TECTA: variants seen among roughly 807,000 people sequenced by gnomAD.
TECTA encodes tectorin alpha, also known as alpha-tectorin.
A neutral mutation model predicts 216.8 loss-of-function variants in TECTA; 128 were observed. The observed-to-expected ratio is 0.59, with a 90% CI of 0.51 to 0.68. The LOEUF (loss-of-function observed/expected upper bound fraction) is 0.68, where lower values mean the gene tolerates loss of function less well. Among genes scored for constraint, TECTA ranks in the 30% least tolerant of loss-of-function variants. The pLI is 0.00. For missense variants in TECTA, 2,551 were observed against 2,786.2 expected, an observed-to-expected ratio of 0.92 and a Z score of 1.90; for synonymous variants, 1,089 against 1,117.1, an observed-to-expected ratio of 0.97 and a Z score of 0.50.
Position 121,127,945 on chromosome 11 carries a change from C to T in TECTA, c.1968C>T (p.Gly656=). 6.2e-7 allele frequency: 1 copy of T among 1,614,180 alleles called. No individual in the cohort carries two copies. The change falls in exon 9 of 24, where the codon GGC becomes GGT. Residue 656 remains glycine (G), a synonymous_variant. Transcript: ENST00000392793. The surrounding 1 kb of genome is among the most constrained non-coding windows in gnomAD (Gnocchi z 5.0). ...ACAAGTGCGGCTGCGACTTCGACGG[C>T]CACTACTACACCATGGGGGAGTTCT... ...PLHKCGCDFD[G]HYYTMGEFFW...
chr11:121,140,994 G>A (rs1946779272), intron 11 of TECTA: 1 of 152,188 alleles, frequency 6.6e-6, no homozygotes, highest in African/African-American at 2.4e-5. Flanking sequence ...GAGACAATGA[G>A]CATCAAGGAG....
chr11:121,187,225 T>C (rs1947296710), intron 20 of TECTA, among the ~76,000 whole-genome samples: 1 of 152,180 alleles, frequency 6.6e-6, no homozygotes, highest in South Asian at 2.1e-4. Flanking sequence ...CTATACATAA[T>C]TGAAGCAAGT....
chr11:121,168,206 G>A lies in TECTA; in HGVS notation c.5739G>A (p.Lys1913=), dbSNP rs1947074825. Reference sequence around the variant, plus strand: ...AGATCTCCTTGGATTCTGTTGTGAAGCCTATGCTAAGGTAAGGTGTCTCCT... The same window carrying A: ...AGATCTCCTTGGATTCTGTTGTGAAACCTATGCTAAGGTAAGGTGTCTCCT... The part of the protein sequence containing the change: ...DIKISLDSVV[K]PMLSVINLTV... Residue 1913 remains lysine, a synonymous_variant, in exon 19 of 24, where the codon AAG becomes AAA. Coordinates refer to ENST00000392793, the MANE Select transcript of TECTA (RefSeq NM_005422.4). The A allele has an allele frequency of 6.2e-7, 1 of 1,614,092 alleles. No individual in the cohort carries two copies. The highest frequency in any genetic ancestry group is 8.5e-7 in the Non-Finnish European group (1 of 1,180,036).
In TECTA at chr11:121,125,827, G is replaced by A. The variant is rs1457932962; in HGVS notation, c.1729G>A (p.Ala577Thr). The A allele has an allele frequency of 6.2e-7, 1 of 1,613,322 alleles. No homozygotes were observed. The highest frequency in any genetic ancestry group is 1.1e-5 in the South Asian group (1 of 91,088). The change falls in exon 8 of 24, where the codon GCC becomes ACC. Residue 577 changes from alanine (A) to threonine (T), a missense_variant. This residue lies in a region of TECTA where 2,375 missense variants were observed against 2,563.9 expected (regional missense o/e 0.93). Transcript: ENST00000392793. ...AIQAYALVCQALGIPIGDWRT... is the reference protein window; with the variant it reads ...AIQAYALVCQTLGIPIGDWRT... ...CCAGGCCTATGCTCTTGTGTGCCAAGCCCTTGGCATTCCAATTGGAGACTG... is the reference window on the plus strand; with the variant it reads ...CCAGGCCTATGCTCTTGTGTGCCAAACCCTTGGCATTCCAATTGGAGACTG...
At chr11:121,139,646 C>T (rs543934613) in intron 11 of TECTA, among the ~76,000 whole-genome samples, 80 of 151,818 alleles carry the variant, frequency 5.3e-4, no homozygotes, top group African/African-American at 1.6e-3. Flanking sequence ...GGCAAGATTG[C>T]GCCATTGCAC....
intron 20 of TECTA, among the ~76,000 whole-genome samples, chr11:121,181,748 G>A (rs141514580): frequency 0.019 from 2,963 of 152,192 alleles, 96 homozygotes; most frequent in African/African-American, 0.068. Context: ...GATTACAGGC[G>A]TGAGCCACCA....
Position 121,129,842 on chromosome 11 carries a change from G to A in TECTA, c.2572G>A (p.Asp858Asn), listed in dbSNP as rs1486188727. The A allele has an allele frequency of 3.1e-6, 5 of 1,614,222 alleles. No homozygotes were observed. Among genetic ancestry groups the A allele is most frequent in the Non-Finnish European group, 3.4e-6 (4 of 1,180,046 alleles). The stretch of plus-strand genomic sequence containing the variant: ...CGGCTTCTACAATGCCAACGCCAGT[G>A]ACGAGTTCTGTCTCCCCAACGGCAA... ...LCGFYNANASDEFCLPNGKCT... is the reference protein window; with the variant it reads ...LCGFYNANASNEFCLPNGKCT... The change falls in exon 10 of 24, where the codon GAC becomes AAC. Residue 858 changes from aspartate (D) to asparagine (N), a missense_variant. Asp to Asn is a conservative substitution (Grantham distance 23). This residue lies in a region of TECTA where 2,375 missense variants were observed against 2,563.9 expected (regional missense o/e 0.93). Coordinates refer to ENST00000392793, the MANE Select transcript of TECTA (RefSeq NM_005422.4).
chr11:121,160,913 G>T (rs1242127350), intron 15 of TECTA, among the ~76,000 whole-genome samples: 1 of 152,142 alleles, frequency 6.6e-6, no homozygotes, highest in East Asian at 1.9e-4. Flanking sequence ...AAGTTACAAG[G>T]TTATTATCAG....
rs1463233005 is a variant in TECTA, at chr11:121,130,058, G to A, written c.2788G>A (p.Val930Met). ...CTCCTTCCTGGAGTGCCATGGGGTG[G>A]TGAACGTCACTGCCTATTACCGCAC... ...NSSFLECHGV[V>M]NVTAYYRTCL... The change falls in exon 10 of 24, where the codon GTG becomes ATG. Residue 930 changes from valine to methionine, a missense_variant. Physicochemically the swap from Val to Met is conservative, Grantham distance 21 (BLOSUM62 1). This residue lies in a region of TECTA where 2,375 missense variants were observed against 2,563.9 expected (regional missense o/e 0.93). Coordinates refer to ENST00000392793, the MANE Select transcript of TECTA (RefSeq NM_005422.4). 11 of 1,614,128 alleles carry A rather than the reference G, an allele frequency of 6.8e-6. No individual in the cohort carries two copies. In the South Asian group the frequency reaches 8.8e-5, roughly 13 times the overall value.
chr11:121,137,588 G>T lies in TECTA; in HGVS notation c.3109G>T (p.Gly1037Cys). 1 of 1,613,934 alleles carries T rather than the reference G, an allele frequency of 6.2e-7. No individual in the cohort carries two copies. Among genetic ancestry groups the T allele is most frequent in the Non-Finnish European group, 8.5e-7 (1 of 1,180,006 alleles). The change falls in exon 11 of 24, where the codon GGC becomes TGC. Residue 1037 changes from glycine (G) to cysteine (C), a missense_variant. By Grantham distance (159) the Gly-to-Cys change is radical. This residue lies in a region of TECTA where 2,375 missense variants were observed against 2,563.9 expected (regional missense o/e 0.93). Transcript: ENST00000392793. ...GSQCVTRSEC[G>C]CNFEGHQLAT... is the part of the protein sequence containing the mutation. ...CCAGTGTGTCACGCGGAGTGAGTGT[G>T]GCTGCAACTTTGAGGGGCACCAACT...
intron 20 of TECTA, among the ~76,000 whole-genome samples, chr11:121,177,719 G>A (rs1414817173): frequency 6.6e-6 from 1 of 152,228 alleles, no homozygotes; most frequent in Non-Finnish European, 1.5e-5. Context: ...TGTCAGACAG[G>A]GACATTTAAG....
At chr11:121,109,142 T>C in intron 3 of TECTA, 69 bp from the exon 4 acceptor site, 1 of 1,559,850 alleles carries the variant, frequency 6.4e-7, no homozygotes, top group Non-Finnish European at 8.8e-7. Context: ...CGAATGTCTG[T>C]CTTGGTTTGT....
chr11:121,125,578 C>T lies in TECTA; in HGVS notation c.1480C>T (p.His494Tyr). 6.2e-7 allele frequency: 1 copy of T among 1,614,094 alleles called. No homozygotes were observed. Among genetic ancestry groups the T allele is most frequent in the Non-Finnish European group, 8.5e-7 (1 of 1,180,026 alleles). The change falls in exon 8 of 24, where the codon CAC becomes TAC. Residue 494 changes from histidine to tyrosine, a missense_variant. By Grantham distance (83) the His-to-Tyr change is moderately conservative (BLOSUM62 2). This residue lies in a region of TECTA where 2,375 missense variants were observed against 2,563.9 expected (regional missense o/e 0.93). Coordinates refer to ENST00000392793, the MANE Select transcript of TECTA (RefSeq NM_005422.4). The stretch of plus-strand genomic sequence containing the variant: ...TCTGGGAGAGAGCTGGCGTGTGTAC[C>T]ACGCAGACTGGAAGTGCGACTCCGG... Reference protein sequence around the residue: ...LDLGESWRVYHADWKCDSGCV... With the variant: ...LDLGESWRVYYADWKCDSGCV...
At position 121,113,973 on chromosome 11, in the gene TECTA, G is replaced by A. The variant is rs565697068; in HGVS notation, c.790+255G>A. On this transcript the variant is annotated intron_variant, in intron 6 of 23. Coordinates refer to ENST00000392793, the MANE Select transcript of TECTA (RefSeq NM_005422.4). This position sits in a 1 kb window ranked among gnomAD's most constrained non-coding sequence, Gnocchi z 4.2. ...ACAGTTATCCGTTCTGAACAACTCC[G>A]AAATGGACCAAGATCTTGAGTGATT... is the stretch of plus-strand genomic sequence containing the variant. 2.0e-5 allele frequency among the ~76,000 whole-genome samples: 3 copies of A among 152,266 alleles called. No individual in the cohort carries two copies. The highest frequency in any genetic ancestry group is 1.9e-4 in the East Asian group (1 of 5,186).
intron 17 of TECTA, 101 bp downstream of exon 17, chr11:121,165,484 TAG>T: frequency 1.1e-6 from 1 of 943,128 alleles, no homozygotes; most frequent in Non-Finnish European, 1.6e-6. Context: ...CTTTCCCAAA[TAG>T]TGAAGCTTTC....
In TECTA at chr11:121,137,411, C is replaced by T. The variant is rs571484555; in HGVS notation, c.2942-10C>T. 1.1e-5 allele frequency: 18 copies of T among 1,613,934 alleles called. No homozygotes were observed. The African/African-American group carries it at 2.3e-4, about 20-fold the overall frequency. The stretch of plus-strand genomic sequence containing the variant: ...TTTCTCAAACCCGTCTTCTCCTTGA[C>T]CACCTGCAGCACTGGAGTGCCCAGA... On this transcript the variant is annotated splice_polypyrimidine_tract_variant and intron_variant, in intron 10 of 23. Coordinates refer to ENST00000392793, the MANE Select transcript of TECTA (RefSeq NM_005422.4).
intron 6 of TECTA, among the ~76,000 whole-genome samples, chr11:121,115,536 A>G (rs1007975106): frequency 6.6e-6 from 1 of 152,200 alleles, no homozygotes; most frequent in Non-Finnish European, 1.5e-5. Flanking sequence ...GAAGTTTTGG[A>G]TAGGAATGAG....
At chr11:121,102,843 C>T in intron 2 of TECTA, 114 bp downstream of exon 2, 3 of 881,604 alleles carry the variant, frequency 3.4e-6, no homozygotes, top group Admixed American at 2.0e-5. Context: ...TCTACAGATA[C>T]AAGAGAAAAA....
At chr11:121,176,492 C>G in intron 20 of TECTA, among the ~76,000 whole-genome samples, 1 of 112,268 alleles carries the variant, frequency 8.9e-6, no homozygotes, top group East Asian at 2.2e-4. Context: ...AAATTCTTTT[C>G]TTTAAGAATG....
Sources: gnomAD v4.1 joint callset for allele counts (sites outside exome capture counted in the v4.1 genomes callset) on GRCh38, gnomAD v4.1.1 for gene constraint, gnomAD v4.1.1 regional missense constraint, Gnocchi (gnomAD v3.1) non-coding constraint, MANE v1.5 for transcripts, NCBI Gene and HGNC (gene_info 2026-07-23, HGNC 2026-07-21) for gene names.